Variants in CETN3 observed in about 807,000 individuals in gnomAD.
The protein encoded by CETN3 is centrin 3.
In CETN3, 17 loss-of-function variants were observed where a neutral mutation model predicts 20.1. The observed-to-expected ratio is 0.85, with a 90% CI of 0.58 to 1.27. CETN3 has a LOEUF of 1.27. CETN3 is among the 50% of genes most tolerant of loss of function. CETN3 has a pLI of 0.00. For missense variants in CETN3, 169 were observed against 191.2 expected (o/e 0.88, Z 0.69); for synonymous variants, 52 against 59.7 (o/e 0.87, Z 0.59).
rs1002083857 is a variant in CETN3, at chr5:90,405,935, A to C, written c.154-136T>G. The C allele has an allele frequency of 1.3e-5, 8 of 614,488 alleles. No homozygotes were observed. The African/African-American group carries it at 1.5e-4, about 12-fold the overall frequency. The allele number at this position is 614,488 out of a possible 1,614,324, so 38.1% of individuals were successfully genotyped here. On this transcript the variant is annotated intron_variant, in intron 2 of 4. Transcript: ENST00000283122. ...TTTTTGCATGTTTTACCTCTTTAAA[A>C]TAGCAGTGATAGTGTAATTGTTCTT... is the stretch of plus-strand genomic sequence containing the variant.
At position 90,407,904 on chromosome 5, in the gene CETN3, T is replaced by C. The variant is rs1488714315; in HGVS notation, c.18-70A>G. 1.4e-5 allele frequency: 18 copies of C among 1,289,432 alleles called. No individual in the cohort carries two copies. In the East Asian group the frequency reaches 3.6e-4, roughly 26 times the overall value. The allele number at this position is 1,289,432 out of a possible 1,614,324, so 79.9% of individuals were successfully genotyped here. ...TTACTAACAGAAATTAGCCAATAAT[T>C]ACCTTCTAAATTTCAAAAAAGAAAG... On this transcript the variant is annotated intron_variant, in intron 1 of 4. Transcript: ENST00000283122.
chr5:90,408,676 C>T (rs1749533201), intron 1 of CETN3, among the ~76,000 whole-genome samples: 1 of 151,648 alleles, frequency 6.6e-6, no homozygotes, highest in Non-Finnish European at 1.5e-5. Context: ...CAAATGGAGC[C>T]GCAACACTGG....
intron 3 of CETN3, 85 bp downstream of exon 3, chr5:90,405,600 C>A (rs2151883922): frequency 2.3e-6 from 2 of 869,950 alleles, no homozygotes; most frequent in East Asian, 2.6e-5. Flanking sequence ...AATTCCATAA[C>A]CTAGAGAATT....
chr5:90,399,410 A>T lies in CETN3; in HGVS notation c.408T>A (p.Asp136Glu). 6.2e-7 allele frequency: 1 copy of T among 1,614,070 alleles called. No homozygotes were observed. Among genetic ancestry groups the T allele is most frequent in the East Asian group, 2.2e-5 (1 of 44,852 alleles). The change falls in exon 4 of 5, where the codon GAT becomes GAA. Residue 136 changes from aspartate (D) to glutamate (E), a missense_variant. Coordinates refer to ENST00000283122, the MANE Select transcript of CETN3 (RefSeq NM_004365.4). Reference protein sequence around the residue: ...VARELGENMSDEELRAMIEEF... With the variant: ...VARELGENMSEEELRAMIEEF... Reference sequence around the variant, plus strand: ...CTTCTATCATAGCTCGAAGTTCTTCATCACTCATGTTTTCACCCAATTCTC... The same window carrying T: ...CTTCTATCATAGCTCGAAGTTCTTCTTCACTCATGTTTTCACCCAATTCTC...
chr5:90,400,030 A>G (rs1431791371), intron 3 of CETN3, among the ~76,000 whole-genome samples: 1 of 152,210 alleles, frequency 6.6e-6, no homozygotes, highest in East Asian at 1.9e-4. Context: ...CTTCAAAACA[A>G]GAAAAACTGC....
intron 4 of CETN3, among the ~76,000 whole-genome samples, chr5:90,395,131 G>A (rs755160729): frequency 3.3e-5 from 5 of 152,100 alleles, no homozygotes; most frequent in Non-Finnish European, 5.9e-5. Context: ...ACTATGAGAT[G>A]ATGTTTTAGA....
chr5:90,403,830 C>CA (rs1749364658), intron 3 of CETN3, among the ~76,000 whole-genome samples: 1 of 135,668 alleles, frequency 7.4e-6, no homozygotes, highest in East Asian at 2.2e-4. Context: ...GAGATCCCGC[C>CA]ACTGCACTCC....
intron 4 of CETN3, among the ~76,000 whole-genome samples, 185 bp from the exon 5 acceptor site, chr5:90,394,292 C>A (rs758421682): frequency 5.9e-5 from 9 of 151,890 alleles, no homozygotes; most frequent in Admixed American, 2.0e-4. Context: ...AATGTAACTT[C>A]TTGGATGCAA....
chr5:90,395,408 T>C (rs1399363340), intron 4 of CETN3, among the ~76,000 whole-genome samples: 1 of 152,172 alleles, frequency 6.6e-6, no homozygotes, highest in African/African-American at 2.4e-5. Flanking sequence ...TAGATGGATA[T>C]GCTAAAATAT....
Position 90,393,607 on chromosome 5 carries a change from T to A in CETN3, c.*457A>T, listed in dbSNP as rs930621921. The A allele has an allele frequency of 6.6e-6, 1 of 152,224 alleles. No homozygotes were observed. The highest frequency in any genetic ancestry group is 2.4e-5 in the African/African-American group (1 of 41,444). 9.4% of individuals were successfully genotyped at this position (152,224 alleles called of 1,614,324 possible). On this transcript the variant is annotated 3_prime_UTR_variant, in exon 5 of 5. Coordinates refer to ENST00000283122, the MANE Select transcript of CETN3 (RefSeq NM_004365.4). ...ATGTGCCACTCTATTGCTAATTGTATTTCAATTTTTGTTTCAGAAACTAGT... is the reference window on the plus strand; with the variant it reads ...ATGTGCCACTCTATTGCTAATTGTAATTCAATTTTTGTTTCAGAAACTAGT...
At chr5:90,399,080 A>G in intron 4 of CETN3, 2 of 551,584 alleles carry the variant, frequency 3.6e-6, no homozygotes, top group Admixed American at 6.5e-5. Flanking sequence ...CTTAGCATGT[A>G]GGTTGAGGGA....
rs924494510 is a variant in CETN3, at chr5:90,393,950, T to C, written c.*114A>G. On this transcript the variant is annotated 3_prime_UTR_variant, in exon 5 of 5. Coordinates refer to ENST00000283122, the MANE Select transcript of CETN3 (RefSeq NM_004365.4). ...AAATACAGATATATAAGATGCTTATTTTTGGTCCTTTAGGATAAAAGAACT... is the reference window on the plus strand; with the variant it reads ...AAATACAGATATATAAGATGCTTATCTTTGGTCCTTTAGGATAAAAGAACT... The C allele has an allele frequency of 3.9e-5, 28 of 721,598 alleles. No homozygotes were observed. Among genetic ancestry groups the C allele is most frequent in the Non-Finnish European group, 6.5e-5 (27 of 413,882 alleles). 44.7% of individuals were successfully genotyped at this position (721,598 alleles called of 1,614,324 possible). A position where few individuals can be genotyped will look rare whatever the true frequency, so the allele number is the denominator to read the frequency against.
At chr5:90,400,372 T>C (rs1025259262) in intron 3 of CETN3, among the ~76,000 whole-genome samples, 1 of 152,150 alleles carries the variant, frequency 6.6e-6, no homozygotes, top group African/African-American at 2.4e-5. Flanking sequence ...TTAAGTATTT[T>C]CAATTTTACC....
intron 1 of CETN3, among the ~76,000 whole-genome samples, chr5:90,409,226 G>C (rs756589164): frequency 5.3e-5 from 8 of 152,182 alleles, no homozygotes; most frequent in African/African-American, 1.7e-4. Flanking sequence ...AAGAGTTTTT[G>C]TTATTTCCAA....
chr5:90,399,257 TAAG>T, intron 4 of CETN3, 98 bp downstream of exon 4: 1 of 971,314 alleles, frequency 1.0e-6, no homozygotes, highest in Non-Finnish European at 1.6e-6. Context: ...AAGAAGCAGT[TAAG>T]TTTACAAAAA....
intron 1 of CETN3, among the ~76,000 whole-genome samples, chr5:90,409,189 G>T (rs1161325100): frequency 6.6e-6 from 1 of 152,126 alleles, no homozygotes; most frequent in African/African-American, 2.4e-5. Flanking sequence ...CAATTACACC[G>T]TAAAGCAGGG....
chr5:90,407,145 T>A (rs886574155), intron 2 of CETN3, among the ~76,000 whole-genome samples: 1 of 152,030 alleles, frequency 6.6e-6, no homozygotes, highest in South Asian at 2.1e-4. Flanking sequence ...TCTCTCCTTA[T>A]ACCCTGACAA....
chr5:90,400,804 G>A (rs1274494037), intron 3 of CETN3, among the ~76,000 whole-genome samples: 1 of 151,958 alleles, frequency 6.6e-6, no homozygotes, highest in African/African-American at 2.4e-5. Flanking sequence ...ATCCAAAAAG[G>A]CTTCCAAGTA....
intron 1 of CETN3, among the ~76,000 whole-genome samples, chr5:90,409,378 T>C (rs1193689016): frequency 2.0e-5 from 3 of 152,130 alleles, no homozygotes; most frequent in Non-Finnish European, 4.4e-5. Context: ...CCCACCTCGC[T>C]CGCAACTAAG....
Sources: gnomAD v4.1 joint callset for allele counts (sites outside exome capture counted in the v4.1 genomes callset) on GRCh38, gnomAD v4.1.1 for gene constraint, MANE v1.5 for transcripts, NCBI Gene and HGNC (gene_info 2026-07-23, HGNC 2026-07-21) for gene names.